PRKACB: variants seen among roughly 807,000 people sequenced by gnomAD.
The protein encoded by PRKACB is cAMP-dependent protein kinase catalytic subunit beta.
In PRKACB, 16 loss-of-function variants were observed where a neutral mutation model predicts 51.4. The ratio of observed to expected loss-of-function variants is 0.31; its 90% CI spans 0.21 to 0.47. The LOEUF (loss-of-function observed/expected upper bound fraction) is 0.47. Among genes scored for constraint, PRKACB ranks in the 20% least tolerant of loss-of-function variants. PRKACB has a pLI of 1.00. For missense variants in PRKACB, 309 were observed against 464.5 expected (o/e 0.67, Z 3.08); for synonymous variants, 147 against 154.4 (o/e 0.95, Z 0.35).
At chr1:84,188,974 C>A (rs1173968330) in intron 5 of PRKACB, among the ~76,000 whole-genome samples, 1 of 151,742 alleles carries the variant, frequency 6.6e-6, no homozygotes, top group Non-Finnish European at 1.5e-5. Context: ...AATGTGAAAA[C>A]TTTTATTATT....
At chr1:84,186,048 C>T (rs1022548180) in intron 5 of PRKACB, among the ~76,000 whole-genome samples, 4 of 151,984 alleles carry the variant, frequency 2.6e-5, no homozygotes, top group Non-Finnish European at 4.4e-5. Context: ...TTTACTAGCA[C>T]TAGTTAAGTT....
intron 7 of PRKACB, among the ~76,000 whole-genome samples, chr1:84,202,105 T>C (rs1670287923): frequency 6.6e-6 from 1 of 152,058 alleles, no homozygotes; most frequent in South Asian, 2.1e-4. Context: ...CCTAAATATT[T>C]ACATGAATTG....
upstream of PRKACB, chr1:84,078,120 C>CGCT (rs1238163683): frequency 1.4e-4 from 60 of 415,492 alleles, no homozygotes; most frequent in South Asian, 1.9e-4. Context: ...CCGCCGCCGC[C>CGCT]GCTGCTGCTG....
At chr1:84,095,699 C>T (rs1332441473) in intron 1 of PRKACB, among the ~76,000 whole-genome samples, 1 of 151,918 alleles carries the variant, frequency 6.6e-6, no homozygotes, top group Admixed American at 6.6e-5. Flanking sequence ...TTTCAATAAG[C>T]ATATCTTAAT....
intron 8 of PRKACB, among the ~76,000 whole-genome samples, chr1:84,207,779 C>T (rs1051479017): frequency 1.3e-5 from 2 of 152,238 alleles, no homozygotes; most frequent in East Asian, 1.9e-4. Context: ...TCCCTCCTTT[C>T]GAATATCAAC....
At chr1:84,119,071 T>G (rs2100875480) in intron 1 of PRKACB, among the ~76,000 whole-genome samples, 1 of 152,230 alleles carries the variant, frequency 6.6e-6, no homozygotes, top group Non-Finnish European at 1.5e-5. Flanking sequence ...AATGATGTCA[T>G]TAGATTTATA....
Position 84,235,483 on chromosome 1 carries a change from C to A in PRKACB, c.*178C>A. 1.4e-6 allele frequency: 1 copy of A among 703,942 alleles called. No individual in the cohort carries two copies. Among genetic ancestry groups the A allele is most frequent in the Non-Finnish European group, 2.3e-6 (1 of 434,610 alleles). 43.6% of individuals were successfully genotyped at this position (703,942 alleles called of 1,614,324 possible). On this transcript the variant is annotated 3_prime_UTR_variant, in exon 10 of 10. Transcript: ENST00000370685. Reference sequence around the variant, plus strand: ...CTCTGCATCCACCTATGTAACAAGGCACCGCTAAGCAAGCATTGTCTGTGC... The same window carrying A: ...CTCTGCATCCACCTATGTAACAAGGAACCGCTAAGCAAGCATTGTCTGTGC...
chr1:84,206,957 A>G (rs1022217594), intron 8 of PRKACB, among the ~76,000 whole-genome samples: 2 of 152,214 alleles, frequency 1.3e-5, no homozygotes, highest in African/African-American at 4.8e-5. Context: ...ATATTCCACT[A>G]TACTTTTTCT....
intron 5 of PRKACB, among the ~76,000 whole-genome samples, chr1:84,189,169 C>A (rs1430962250): frequency 6.6e-6 from 1 of 151,694 alleles, no homozygotes; most frequent in African/African-American, 2.4e-5. Flanking sequence ...TACCAATCAT[C>A]TGAAAGTTGA....
chr1:84,135,649 A>G (rs1043679809), intron 1 of PRKACB, among the ~76,000 whole-genome samples: 1 of 152,272 alleles, frequency 6.6e-6, no homozygotes, highest in East Asian at 1.9e-4. Context: ...GTTAAAGAAC[A>G]TATTTCTAAA....
rs777295880 is a variant in PRKACB, at chr1:84,144,479, G to A, written c.118G>A (p.Asp40Asn). 1.2e-6 allele frequency: 2 copies of A among 1,612,006 alleles called. No individual in the cohort carries two copies. The highest frequency in any genetic ancestry group is 2.2e-5 in the East Asian group (1 of 44,702). The change falls in exon 1 of 10, where the codon GAT becomes AAT. Residue 40 changes from aspartate to asparagine, a missense_variant. Around this residue, in one of 3 missense-constraint regions of PRKACB, gnomAD observed 153 missense variants for 190.2 expected, o/e 0.80. Coordinates refer to ENST00000370685, the MANE Select transcript of PRKACB (RefSeq NM_182948.4). ...TAGACACTCTAAAGGTACTGCACAT[G>A]ATCAGAAAACAGCTCTGGAAAATGA... ...FHRHSKGTAH[D>N]QKTALENDSL...
At chr1:84,179,726 A>G (rs1202808398) in intron 2 of PRKACB, among the ~76,000 whole-genome samples, 1 of 151,960 alleles carries the variant, frequency 6.6e-6, no homozygotes, top group African/African-American at 2.4e-5. Context: ...TAAAAACTGT[A>G]TATAAAAAAC....
intron 1 of PRKACB, chr1:84,175,914 G>T (rs1032524373): frequency 6.9e-6 from 6 of 874,030 alleles, no homozygotes; most frequent in Admixed American, 3.7e-5. Flanking sequence ...TTAATTTTTT[G>T]TGTGTCCTCT....
At chr1:84,143,386 G>A (rs1653632204), upstream of PRKACB, among the ~76,000 whole-genome samples, 2 of 152,248 alleles carry the variant, frequency 1.3e-5, no homozygotes, top group East Asian at 1.9e-4. Context: ...TAGGAGCGGA[G>A]GTCGCAGTGA....
intron 8 of PRKACB, among the ~76,000 whole-genome samples, chr1:84,206,264 T>C (rs191182443): frequency 2.6e-5 from 4 of 152,284 alleles, no homozygotes; most frequent in African/African-American, 9.6e-5. Flanking sequence ...AACATAAGTA[T>C]ATACTGAATG....
chr1:84,136,490 C>CCACACA lies in PRKACB; in HGVS notation c.47-42663_47-42658dup, dbSNP rs60681226. Among the ~76,000 whole-genome samples, 428 of 146,724 alleles carry CCACACA rather than the reference C, an allele frequency of 2.9e-3. 2 individuals carry two copies. The highest frequency in any genetic ancestry group is 7.6e-3 in the African/African-American group (304 of 39,878). Reference sequence around the variant, plus strand: ...TGTACACTTACTAGAACGGCCAAAACCACACACACACACACACACACACAC... The same window carrying CCACACA: ...TGTACACTTACTAGAACGGCCAAAACCACACACACACACACACACACACACACACAC... On this transcript the variant is annotated intron_variant, in intron 1 of 8. Coordinates refer to the PRKACB transcript ENST00000370688.
At chr1:84,125,538 A>G (rs1651507988) in intron 1 of PRKACB, among the ~76,000 whole-genome samples, 1 of 152,194 alleles carries the variant, frequency 6.6e-6, no homozygotes, top group South Asian at 2.1e-4. Flanking sequence ...GATGGAATTA[A>G]TAGGGGGAGC....
At position 84,225,821 on chromosome 1, in the gene PRKACB, G is replaced by C. The variant is rs146093573; in HGVS notation, c.1072-9359G>C. ...TCCCCATACTGGAGAACCTCTTGTGGCTGCCAGCTGGTCCCAGCTAGGCCA... is the reference window on the plus strand; with the variant it reads ...TCCCCATACTGGAGAACCTCTTGTGCCTGCCAGCTGGTCCCAGCTAGGCCA... On this transcript the variant is annotated intron_variant, in intron 9 of 9. Transcript: ENST00000370685. 3.5e-4 allele frequency among the ~76,000 whole-genome samples: 53 copies of C among 152,286 alleles called. No homozygotes were observed. The East Asian group carries it at 0.01, about 29-fold the overall frequency.
At chr1:84,213,740 T>C (rs1376584776) in intron 8 of PRKACB, among the ~76,000 whole-genome samples, 1 of 152,238 alleles carries the variant, frequency 6.6e-6, no homozygotes, top group Non-Finnish European at 1.5e-5. Flanking sequence ...ACTGATTTCC[T>C]TCATATGCTG....
Sources: allele counts gnomAD v4.1 joint callset (sites outside exome capture counted in the v4.1 genomes callset), GRCh38; gene constraint gnomAD v4.1.1; regional missense constraint gnomAD v4.1.1; transcripts MANE v1.5; gene names NCBI Gene and HGNC (gene_info 2026-07-23, HGNC 2026-07-21).